The following NR3C1 variants were observed in gnomAD, a reference collection of about 807,000 sequenced individuals.
NR3C1 encodes glucocorticoid receptor.
A neutral mutation model predicts 74.0 loss-of-function variants in NR3C1; 14 were observed. The observed-to-expected ratio is 0.19, with a 90% CI of 0.12 to 0.30. The LOEUF is 0.30. Ranked by LOEUF, NR3C1 falls within the 10% of genes least tolerant of loss-of-function variation. The pLI is 1.00. For synonymous variants in NR3C1, 308 were observed against 332.5 expected, an observed-to-expected ratio of 0.93 and a Z score of 0.80; for missense variants, 695 against 909.8, an observed-to-expected ratio of 0.76 and a Z score of 3.04.
chr5:143,424,992 T>C (rs1473124477), intron 1 of NR3C1, among the ~76,000 whole-genome samples: 1 of 152,270 alleles, frequency 6.6e-6, no homozygotes, highest in African/African-American at 2.4e-5. Context: ...TACTACTACT[T>C]ACATACTACA....
intron 2 of NR3C1, among the ~76,000 whole-genome samples, chr5:143,326,378 A>G (rs549795794): frequency 7.2e-5 from 11 of 152,312 alleles, no homozygotes; most frequent in African/African-American, 2.6e-4. Context: ...TGGAGCACAA[A>G]TTATAATTAA....
At chr5:143,317,761 C>G (rs1286432252) in intron 2 of NR3C1, among the ~76,000 whole-genome samples, 4 of 152,132 alleles carry the variant, frequency 2.6e-5, no homozygotes, top group Admixed American at 2.6e-4. Flanking sequence ...GTAAAATGTG[C>G]AGGTAAATTA....
At position 143,400,002 on chromosome 5, in the gene NR3C1, T is replaced by C; in HGVS notation, c.838A>G (p.Lys280Glu). 1 of 1,614,196 alleles carries C rather than the reference T, an allele frequency of 6.2e-7. No homozygotes were observed. The highest frequency in any genetic ancestry group is 1.3e-5 in the African/African-American group (1 of 75,046). Residue 280 changes from lysine to glutamate, a missense_variant, in exon 2 of 9, where the codon AAA becomes GAA. Coordinates refer to ENST00000394464, the MANE Select transcript of NR3C1 (RefSeq NM_000176.3). ...NVTLPQVKTE[K>E]EDFIELCTPG... is the part of the protein sequence containing the mutation. Reference sequence around the variant, plus strand: ...GTGCAGAGTTCGATGAAATCTTCTTTTTCTGTTTTCACTTGGGGCAGTGTT... The same window carrying C: ...GTGCAGAGTTCGATGAAATCTTCTTCTTCTGTTTTCACTTGGGGCAGTGTT...
At chr5:143,289,001 G>A (rs1815222287) in intron 7 of NR3C1, among the ~76,000 whole-genome samples, 1 of 151,256 alleles carries the variant, frequency 6.6e-6, no homozygotes, top group Admixed American at 6.6e-5. Context: ...CTGCTGGGGA[G>A]GCTGAGGCTG....
chr5:143,308,015 TTAAA>T (rs1404085572), intron 4 of NR3C1, among the ~76,000 whole-genome samples: 4 of 152,228 alleles, frequency 2.6e-5, no homozygotes, highest in Non-Finnish European at 5.9e-5. Flanking sequence ...GCAGTTAAGT[TTAAA>T]TAGCCTGGTC....
At chr5:143,434,609 G>C (rs935678070) in exon 1 of NR3C1, 12 of 985,290 alleles carry the variant, frequency 1.2e-5, no homozygotes, top group Non-Finnish European at 9.6e-6. Flanking sequence ...GAAAATTCCT[G>C]TTATTAAGGT....
intron 3 of NR3C1, among the ~76,000 whole-genome samples, chr5:143,313,237 C>G (rs1435029464): frequency 6.6e-6 from 1 of 152,180 alleles, no homozygotes; most frequent in Admixed American, 6.5e-5. Flanking sequence ...AGACTCTCTT[C>G]TAATAAATTT....
chr5:143,305,349 AATTAAGAGTTTAACT>A (rs1412723737), intron 4 of NR3C1, among the ~76,000 whole-genome samples: 7 of 152,294 alleles, frequency 4.6e-5, no homozygotes, highest in African/African-American at 1.4e-4. Context: ...TTCTTCAAAG[AATTAAGAGTTTAACT>A]ACCATTCAAC....
At chr5:143,423,637 A>G (rs1028089349) in intron 1 of NR3C1, among the ~76,000 whole-genome samples, 2 of 152,152 alleles carry the variant, frequency 1.3e-5, no homozygotes, top group Non-Finnish European at 2.9e-5. Flanking sequence ...GAAAATCAGT[A>G]TATCGAAGAG....
In NR3C1 at chr5:143,304,829, G is replaced by A. The variant is rs188007198; in HGVS notation, c.1469-4066C>T. ...GACTCCCTATTCCATTAATGGTGCT[G>A]GGATAACTGGCTATCCATGTGCAGA... On this transcript the variant is annotated intron_variant, in intron 4 of 8. Coordinates refer to ENST00000394464, the MANE Select transcript of NR3C1 (RefSeq NM_000176.3). 1.6e-3 allele frequency among the ~76,000 whole-genome samples: 248 copies of A among 152,204 alleles called. 1 individual carries two copies. Among genetic ancestry groups the A allele is most frequent in the African/African-American group, 5.7e-3 (235 of 41,534 alleles).
At position 143,281,772 on chromosome 5, in the gene NR3C1, AAC is replaced by A; in HGVS notation, c.*115_*116del. On this transcript the variant is annotated 3_prime_UTR_variant, in exon 9 of 9. Coordinates refer to ENST00000394464, the MANE Select transcript of NR3C1 (RefSeq NM_000176.3). The stretch of plus-strand genomic sequence containing the variant: ...ATGTAGTGCGTATTTAAAACAAAAC[AAC>A]AGATGAAAACAATAAAAAATAAAAC... 1 of 1,171,044 alleles carries A rather than the reference AAC, an allele frequency of 8.5e-7. No homozygotes were observed. 72.5% of individuals were successfully genotyped at this position (1,171,044 alleles called of 1,614,324 possible).
chr5:143,365,592 T>C (rs1014207127), intron 2 of NR3C1, among the ~76,000 whole-genome samples: 1 of 152,214 alleles, frequency 6.6e-6, no homozygotes, highest in Non-Finnish European at 1.5e-5. Flanking sequence ...TTCAATATCC[T>C]ACTTCCAATA....
At chr5:143,426,671 G>T (rs1440135873) in intron 1 of NR3C1, among the ~76,000 whole-genome samples, 1 of 152,230 alleles carries the variant, frequency 6.6e-6, no homozygotes, top group Non-Finnish European at 1.5e-5. Context: ...CATCTGCTCA[G>T]CAAAGCTTCG....
intron 2 of NR3C1, among the ~76,000 whole-genome samples, chr5:143,316,546 C>A (rs901936929): frequency 6.6e-6 from 1 of 152,078 alleles, no homozygotes; most frequent in Non-Finnish European, 1.5e-5. Flanking sequence ...TCATACGGGC[C>A]GTGGCAGGTG....
chr5:143,367,452 G>C (rs1388628273), intron 2 of NR3C1, among the ~76,000 whole-genome samples: 2 of 152,052 alleles, frequency 1.3e-5, no homozygotes, highest in Admixed American at 6.6e-5. Flanking sequence ...AGATTGAAAG[G>C]GAAGAAGTAA....
At chr5:143,405,989 C>T (rs1222740868), upstream of NR3C1, among the ~76,000 whole-genome samples, 2 of 152,072 alleles carry the variant, frequency 1.3e-5, no homozygotes, top group African/African-American at 4.8e-5. Context: ...AATCAAGACC[C>T]AACCCTACAA....
chr5:143,337,281 G>C (rs953410409), intron 2 of NR3C1, among the ~76,000 whole-genome samples: 8 of 151,948 alleles, frequency 5.3e-5, no homozygotes, highest in African/African-American at 1.9e-4. Context: ...TAGTAATCAG[G>C]GAAATGCAAA....
At chr5:143,333,736 C>A (rs542235223) in intron 2 of NR3C1, among the ~76,000 whole-genome samples, 2 of 152,122 alleles carry the variant, frequency 1.3e-5, no homozygotes, top group Non-Finnish European at 2.9e-5. Flanking sequence ...CCAGTGCACT[C>A]CAGCTGGGCG....
At chr5:143,283,764 C>T (rs527752608) in intron 7 of NR3C1, among the ~76,000 whole-genome samples, 5 of 152,258 alleles carry the variant, frequency 3.3e-5, no homozygotes, top group African/African-American at 1.2e-4. Flanking sequence ...ATCATGGTTT[C>T]ACTTAATCCT....
Sources: allele counts gnomAD v4.1 joint callset (sites outside exome capture counted in the v4.1 genomes callset), GRCh38; gene constraint gnomAD v4.1.1; transcripts MANE v1.5; gene names NCBI Gene and HGNC (gene_info 2026-07-23, HGNC 2026-07-21).